The following SNTG1 variants were observed in gnomAD, a reference collection of about 807,000 sequenced individuals.
The protein encoded by SNTG1 is syntrophin gamma 1.
A neutral mutation model predicts 74.7 loss-of-function variants in SNTG1; 39 were observed. The observed-to-expected ratio is 0.52, with a 90% CI of 0.40 to 0.68. SNTG1 has a LOEUF of 0.68. Among genes scored for constraint, SNTG1 ranks in the 30% least tolerant of loss-of-function variants. The pLI is 0.00. For missense variants in SNTG1, 685 were observed against 609.5 expected (o/e 1.12, Z -1.30); for synonymous variants, 254 against 217.1 (o/e 1.17, Z -1.49).
At chr8:50,433,439 A>G (rs2093264203) in intron 4 of SNTG1, among the ~76,000 whole-genome samples, 1 of 145,894 alleles carries the variant, frequency 6.9e-6, no homozygotes, top group Non-Finnish European at 1.5e-5. Flanking sequence ...AAAATATTAC[A>G]TTTCTCCCCC....
At chr8:50,348,436 C>T (rs1007989189) in intron 2 of SNTG1, among the ~76,000 whole-genome samples, 19 of 152,160 alleles carry the variant, frequency 1.2e-4, no homozygotes, top group African/African-American at 3.6e-4. Flanking sequence ...TTATATGTCT[C>T]TCTCTTACAT....
At chr8:50,758,722 T>C (rs563807359) in intron 18 of SNTG1, among the ~76,000 whole-genome samples, 76 of 152,238 alleles carry the variant, frequency 5.0e-4, no homozygotes, top group Admixed American at 3.1e-3. Flanking sequence ...CAGTCTATCA[T>C]TGATGGGCAT....
At chr8:50,389,545 C>T (rs1587435051) in intron 2 of SNTG1, among the ~76,000 whole-genome samples, 1 of 152,088 alleles carries the variant, frequency 6.6e-6, no homozygotes, top group South Asian at 2.1e-4. Context: ...AATAAACATA[C>T]GTGTGCATGT....
At chr8:50,183,133 T>C (rs902206981) in intron 2 of SNTG1, among the ~76,000 whole-genome samples, 3 of 152,168 alleles carry the variant, frequency 2.0e-5, no homozygotes, top group African/African-American at 7.2e-5. Context: ...CCACTACTCC[T>C]TTGCTAGGCA....
chr8:50,787,081 T>C (rs2095677687), intron 18 of SNTG1, among the ~76,000 whole-genome samples: 1 of 151,904 alleles, frequency 6.6e-6, no homozygotes, highest in South Asian at 2.1e-4. Context: ...TTTCAAATCA[T>C]TTATCTGTTA....
intron 2 of SNTG1, among the ~76,000 whole-genome samples, chr8:50,329,539 C>T (rs535576585): frequency 6.6e-6 from 1 of 152,214 alleles, no homozygotes; most frequent in East Asian, 1.9e-4. Context: ...AAAGCAACAG[C>T]CCAAGTTGTA....
At chr8:50,236,017 T>C (rs2085872700) in intron 2 of SNTG1, among the ~76,000 whole-genome samples, 2 of 152,172 alleles carry the variant, frequency 1.3e-5, no homozygotes, top group Admixed American at 6.5e-5. Flanking sequence ...AGCCCAGTCA[T>C]CTAAAAGAGC....
intron 1 of SNTG1, among the ~76,000 whole-genome samples, chr8:50,151,936 C>T (rs939862121): frequency 6.6e-6 from 1 of 152,102 alleles, no homozygotes; most frequent in African/African-American, 2.4e-5. Flanking sequence ...CAGCTTGGTG[C>T]CGAGCTGAGT....
intron 12 of SNTG1, among the ~76,000 whole-genome samples, chr8:50,589,378 T>G (rs2094676503): frequency 6.6e-6 from 1 of 152,108 alleles, no homozygotes; most frequent in Admixed American, 6.5e-5. Flanking sequence ...ACATCTCAAT[T>G]CTGCAAACGC....
At position 50,732,894 on chromosome 8, in the gene SNTG1, A is replaced by T. The variant is rs1215995255; in HGVS notation, c.1285-19107A>T. On this transcript the variant is annotated intron_variant, in intron 17 of 18. Coordinates refer to ENST00000642720, the MANE Select transcript of SNTG1 (RefSeq NM_018967.5). ...CAAAAATAATTGTTTTTCCTTTTTT[A>T]AAAAATAACATCTTTCTGCAATATT... is the stretch of plus-strand genomic sequence containing the variant. 3.3e-5 allele frequency among the ~76,000 whole-genome samples: 5 copies of T among 151,926 alleles called. No homozygotes were observed. The South Asian group carries it at 1.0e-3, about 32-fold the overall frequency.
Position 50,450,706 on chromosome 8 carries a change from A to G in SNTG1, c.340A>G (p.Arg114Gly). Residue 114 changes from arginine to glycine, a missense_variant, in exon 8 of 19, where the codon AGA becomes GGA. Physicochemically the swap from Arg to Gly is moderately radical, Grantham distance 125. Transcript: ENST00000642720. ...ATTGCAGATAAATGGCATTAATGTG[A>G]GAAAATGTAGACATGAAGAAGTGGT... ...AILQINGINV[R>G]KCRHEEVVQV... 3 of 1,613,360 alleles carry G rather than the reference A, an allele frequency of 1.9e-6. No individual in the cohort carries two copies. Among genetic ancestry groups the G allele is most frequent in the Non-Finnish European group, 2.5e-6 (3 of 1,179,750 alleles).
intron 1 of SNTG1, among the ~76,000 whole-genome samples, chr8:50,154,672 T>C (rs570786021): frequency 6.6e-6 from 1 of 152,268 alleles, no homozygotes; most frequent in South Asian, 2.1e-4. Flanking sequence ...AGTCTAACCA[T>C]GGGGAAGCAT....
intron 1 of SNTG1, among the ~76,000 whole-genome samples, chr8:50,156,238 A>G (rs1166419652): frequency 6.6e-6 from 1 of 152,132 alleles, no homozygotes; most frequent in Admixed American, 6.5e-5. Flanking sequence ...ACTCTTTCAA[A>G]AAATACAAGG....
At chr8:50,276,403 AT>A (rs1563832828) in intron 2 of SNTG1, among the ~76,000 whole-genome samples, 89 of 142,622 alleles carry the variant, frequency 6.2e-4, no homozygotes, top group African/African-American at 2.1e-3. Flanking sequence ...ATATATATAT[AT>A]ATATAAATCA....
Position 50,489,737 on chromosome 8 carries a change from C to T in SNTG1, c.364-13041C>T, listed in dbSNP as rs185951272. Among the ~76,000 whole-genome samples, 279 of 152,172 alleles carry T rather than the reference C, an allele frequency of 1.8e-3. 4 individuals carry two copies. The highest frequency in any genetic ancestry group is 6.3e-3 in the African/African-American group (260 of 41,520). The stretch of plus-strand genomic sequence containing the variant: ...CATTCTGTAGGTTGCCTGTTCATAC[C>T]GATGATAGTTTCTTTGGCTGTGGAG... On this transcript the variant is annotated intron_variant, in intron 8 of 18. Coordinates refer to ENST00000642720, the MANE Select transcript of SNTG1 (RefSeq NM_018967.5).
At chr8:50,648,331 T>C (rs932805786) in intron 13 of SNTG1, among the ~76,000 whole-genome samples, 1 of 152,174 alleles carries the variant, frequency 6.6e-6, no homozygotes, top group Non-Finnish European at 1.5e-5. Context: ...CAAACTCAAA[T>C]GTCATAGTCT....
rs536720433 is a variant in SNTG1, at chr8:50,205,819, T to C, written c.-28+33184T>C. Among the ~76,000 whole-genome samples the C allele has an allele frequency of 6.6e-5, 10 of 152,342 alleles. No homozygotes were observed. The East Asian group carries it at 1.7e-3, about 26-fold the overall frequency. ...AGTTTTCCCAGCACCATTTGTTAAG[T>C]AGGGAATCCTTTCCCCATTTCTTGT... On this transcript the variant is annotated intron_variant, in intron 2 of 18. Coordinates refer to ENST00000642720, the MANE Select transcript of SNTG1 (RefSeq NM_018967.5).
chr8:50,446,135 T>A (rs1053033516), intron 5 of SNTG1, among the ~76,000 whole-genome samples: 9 of 152,244 alleles, frequency 5.9e-5, no homozygotes, highest in South Asian at 2.1e-4. Context: ...ATCACCTGTT[T>A]TAAACAAGCC....
At chr8:50,194,668 A>G (rs1367177386) in intron 2 of SNTG1, among the ~76,000 whole-genome samples, 2 of 151,892 alleles carry the variant, frequency 1.3e-5, no homozygotes, top group Non-Finnish European at 2.9e-5. Context: ...AATTTCATTT[A>G]GTTCTGCTCT....
Sources: gnomAD v4.1 joint callset for allele counts (sites outside exome capture counted in the v4.1 genomes callset) on GRCh38, gnomAD v4.1.1 for gene constraint, MANE v1.5 for transcripts, NCBI Gene and HGNC (gene_info 2026-07-23, HGNC 2026-07-21) for gene names.